The following SFXN5 variants were observed in gnomAD, a reference collection of about 807,000 sequenced individuals.
SFXN5 encodes the protein sideroflexin-5.
A neutral mutation model predicts 50.2 loss-of-function variants in SFXN5; 43 were observed. That is an observed-to-expected ratio of 0.86 (90% CI 0.67 to 1.11). The LOEUF (loss-of-function observed/expected upper bound fraction) is 1.11. Among genes scored for constraint, SFXN5 ranks in the 50% least tolerant of loss-of-function variants. The pLI is 0.00. For synonymous variants in SFXN5, 203 were observed against 185.8 expected (o/e 1.09, Z -0.75); for missense variants, 463 against 454.1 (o/e 1.02, Z -0.18).
chr2:73,042,071 A>G (rs1420938438), intron 2 of SFXN5, among the ~76,000 whole-genome samples: 1 of 152,166 alleles, frequency 6.6e-6, no homozygotes, highest in Admixed American at 6.5e-5. Context: ...TTAACCTACT[A>G]AAGTACATAT....
At chr2:73,028,879 G>T (rs1206255857) in intron 3 of SFXN5, among the ~76,000 whole-genome samples, 1 of 152,162 alleles carries the variant, frequency 6.6e-6, no homozygotes, top group African/African-American at 2.4e-5. Context: ...GAAAAAGAGG[G>T]AGGGGACAAA....
intron 6 of SFXN5, among the ~76,000 whole-genome samples, chr2:73,002,993 A>G (rs956187105): frequency 4.6e-5 from 7 of 152,240 alleles, no homozygotes; most frequent in African/African-American, 1.7e-4. Context: ...AATTCTGGGT[A>G]GTAGGTGTCA....
At chr2:72,948,519 C>G (rs1672187996) in intron 13 of SFXN5, among the ~76,000 whole-genome samples, 1 of 152,200 alleles carries the variant, frequency 6.6e-6, no homozygotes, top group African/African-American at 2.4e-5. Context: ...TAGCAACTTC[C>G]CATGCCGGCT....
At chr2:72,974,875 C>T (rs1233201792) in intron 10 of SFXN5, among the ~76,000 whole-genome samples, 1 of 150,024 alleles carries the variant, frequency 6.7e-6, no homozygotes, top group Non-Finnish European at 1.5e-5. Context: ...AAAACAGAGA[C>T]AGAGAGAACA....
intron 10 of SFXN5, among the ~76,000 whole-genome samples, chr2:72,983,689 C>T (rs941679319): frequency 6.6e-6 from 1 of 152,176 alleles, no homozygotes; most frequent in Admixed American, 6.5e-5. Flanking sequence ...GAGACAACAC[C>T]TCTGTCTCCA....
chr2:73,046,556 G>A (rs1180881460), intron 2 of SFXN5, among the ~76,000 whole-genome samples: 1 of 152,172 alleles, frequency 6.6e-6, no homozygotes, highest in Non-Finnish European at 1.5e-5. Flanking sequence ...AAGACTTGGT[G>A]TAGTCCCAGC....
At chr2:73,063,127 T>A (rs1268078150) in intron 1 of SFXN5, among the ~76,000 whole-genome samples, 1 of 152,114 alleles carries the variant, frequency 6.6e-6, no homozygotes, top group Non-Finnish European at 1.5e-5. Context: ...ACTGATTAAG[T>A]GGAAAGAAGA....
chr2:73,065,846 C>T (rs1683135531), intron 1 of SFXN5, among the ~76,000 whole-genome samples: 2 of 152,166 alleles, frequency 1.3e-5, no homozygotes, highest in South Asian at 2.1e-4. Context: ...TGAGCCACCG[C>T]GCCTGGTCCT....
chr2:73,061,837 C>T (rs1682830206), intron 1 of SFXN5, among the ~76,000 whole-genome samples: 1 of 151,962 alleles, frequency 6.6e-6, no homozygotes, highest in Admixed American at 6.6e-5. Context: ...AAATGCAAGC[C>T]AGTCACAGTG....
At chr2:73,008,506 G>A (rs1260697572) in intron 6 of SFXN5, among the ~76,000 whole-genome samples, 1 of 152,184 alleles carries the variant, frequency 6.6e-6, no homozygotes, top group Non-Finnish European at 1.5e-5. Flanking sequence ...AGAGGGCGCA[G>A]GAGCAGAGGA....
chr2:73,015,772 G>T (rs532629938), intron 6 of SFXN5, among the ~76,000 whole-genome samples: 1 of 152,040 alleles, frequency 6.6e-6, no homozygotes, highest in South Asian at 2.1e-4. Flanking sequence ...TTTATTTATA[G>T]GTCTATTCAG....
At chr2:73,044,836 G>A (rs1680111151) in intron 2 of SFXN5, among the ~76,000 whole-genome samples, 1 of 152,234 alleles carries the variant, frequency 6.6e-6, no homozygotes, top group Non-Finnish European at 1.5e-5. Context: ...TCCCTCTGGA[G>A]GGGCCTGCAC....
chr2:73,071,458 T>C, intron 1 of SFXN5, 146 bp downstream of exon 1: 1 of 691,424 alleles, frequency 1.4e-6, no homozygotes, highest in Non-Finnish European at 2.4e-6. Context: ...AAAGGGTGAC[T>C]GTGACCGAGG....
intron 9 of SFXN5, among the ~76,000 whole-genome samples, chr2:72,989,852 G>A (rs1393059682): frequency 6.8e-6 from 1 of 147,840 alleles, no homozygotes; most frequent in African/African-American, 2.4e-5. Flanking sequence ...CCCCTGTGCT[G>A]TCTTTTCTGG....
At chr2:73,050,604 C>A (rs182624697) in intron 2 of SFXN5, among the ~76,000 whole-genome samples, 27 of 152,200 alleles carry the variant, frequency 1.8e-4, no homozygotes, top group Non-Finnish European at 1.5e-5. Context: ...ACACTCTACA[C>A]GCCACCCTTA....
At chr2:73,008,117 C>A (rs1674960390) in intron 6 of SFXN5, among the ~76,000 whole-genome samples, 2 of 152,192 alleles carry the variant, frequency 1.3e-5, no homozygotes, top group Admixed American at 1.3e-4. Context: ...AAGTGGCCGA[C>A]ACCAGCATCT....
rs1673691324 is a variant in SFXN5, at chr2:72,961,193, A to G, written c.883T>C (p.Cys295Arg). 6.4e-7 allele frequency: 1 copy of G among 1,567,092 alleles called. No homozygotes were observed. Among genetic ancestry groups the G allele is most frequent in the East Asian group, 2.5e-5 (1 of 40,386 alleles). Residue 295 changes from cysteine to arginine, a missense_variant, in exon 13 of 14, where the codon TGC becomes CGC. Coordinates refer to ENST00000272433, the MANE Select transcript of SFXN5 (RefSeq NM_144579.3). This position sits in a 1 kb window ranked among gnomAD's most constrained non-coding sequence, Gnocchi z 4.4. Reference protein sequence around the residue: ...RLLLPVQSLVCLAAFGLALPL... With the variant: ...RLLLPVQSLVRLAAFGLALPL... ...AGGGCCAGGCCGAAGGCTGCCAGGC[A>G]CACGAGGCTTTGCACAGGGAGGAGC...
At chr2:73,062,887 A>G in intron 1 of SFXN5, among the ~76,000 whole-genome samples, 1 of 152,166 alleles carries the variant, frequency 6.6e-6, no homozygotes, top group East Asian at 1.9e-4. Context: ...CAAGAGGATG[A>G]AAGCATAAAG....
chr2:73,058,811 C>T (rs1682480411), intron 1 of SFXN5, among the ~76,000 whole-genome samples: 1 of 152,184 alleles, frequency 6.6e-6, no homozygotes, highest in African/African-American at 2.4e-5. Flanking sequence ...CTGAGATACT[C>T]AAGGACAGGC....
Sources: gnomAD v4.1 joint callset for allele counts (sites outside exome capture counted in the v4.1 genomes callset) on GRCh38, gnomAD v4.1.1 for gene constraint, Gnocchi (gnomAD v3.1) non-coding constraint, MANE v1.5 for transcripts, NCBI Gene and HGNC (gene_info 2026-07-23, HGNC 2026-07-21) for gene names.